The following MAN2A1 variants were observed in gnomAD, a reference collection of about 807,000 sequenced individuals.
MAN2A1 encodes the protein mannosidase alpha class 2A member 1.
In MAN2A1, 76 loss-of-function variants were observed where a neutral mutation model predicts 142.6. The ratio of observed to expected loss-of-function variants is 0.53; its 90% confidence interval spans 0.44 to 0.65. The LOEUF is 0.65. MAN2A1 is among the 30% of genes least tolerant of loss of function. The pLI is 0.00. For synonymous variants in MAN2A1, 559 were observed against 473.2 expected (o/e 1.18, Z -2.35); for missense variants, 1,311 against 1,365.1 (o/e 0.96, Z 0.62).
intron 3 of MAN2A1, among the ~76,000 whole-genome samples, chr5:109,720,653 C>T (rs754157001): frequency 3.3e-5 from 5 of 152,146 alleles, no homozygotes; most frequent in Admixed American, 6.5e-5. Flanking sequence ...ACATAAAATA[C>T]ACTAACAATA....
At chr5:109,793,416 C>T (rs931799905) in intron 12 of MAN2A1, among the ~76,000 whole-genome samples, 2 of 152,080 alleles carry the variant, frequency 1.3e-5, no homozygotes, top group Non-Finnish European at 2.9e-5. Context: ...AGAGTAATTA[C>T]AGATTCATTG....
At chr5:109,864,178 A>G (rs892412381) in intron 20 of MAN2A1, 1 of 152,238 alleles carries the variant, frequency 6.6e-6, no homozygotes, top group Admixed American at 6.5e-5. Flanking sequence ...TGAGCAGCAC[A>G]TGACTCTTTT....
intron 7 of MAN2A1, among the ~76,000 whole-genome samples, chr5:109,773,495 A>G (rs989799918): frequency 2.6e-5 from 4 of 152,000 alleles, no homozygotes; most frequent in Non-Finnish European, 4.4e-5. Flanking sequence ...TATGTGGTCA[A>G]TCTCATTCTT....
chr5:109,810,228 G>A (rs1328069674), intron 12 of MAN2A1, among the ~76,000 whole-genome samples: 1 of 151,812 alleles, frequency 6.6e-6, no homozygotes, highest in Non-Finnish European at 1.5e-5. Flanking sequence ...GTTTAGTCAC[G>A]TGGCTCTGTC....
At chr5:109,733,025 C>G (rs373015483) in intron 4 of MAN2A1, among the ~76,000 whole-genome samples, 1 of 152,062 alleles carries the variant, frequency 6.6e-6, no homozygotes, top group Non-Finnish European at 1.5e-5. Flanking sequence ...TGTTTGTATC[C>G]TCTTTTATTT....
intron 19 of MAN2A1, among the ~76,000 whole-genome samples, chr5:109,850,753 G>T (rs1349867688): frequency 6.6e-6 from 1 of 152,122 alleles, no homozygotes; most frequent in African/African-American, 2.4e-5. Flanking sequence ...GAAATAATTT[G>T]TTTATTCCCA....
At chr5:109,714,839 C>T (rs1751408007) in intron 2 of MAN2A1, among the ~76,000 whole-genome samples, 1 of 152,160 alleles carries the variant, frequency 6.6e-6, no homozygotes, top group Non-Finnish European at 1.5e-5. Context: ...GCACCTGCAA[C>T]CTCATCAGCT....
intron 5 of MAN2A1, among the ~76,000 whole-genome samples, chr5:109,766,128 T>G (rs577486591): frequency 6.6e-6 from 1 of 152,246 alleles, no homozygotes; most frequent in African/African-American, 2.4e-5. Flanking sequence ...TTTTTATATT[T>G]CCTCATGAAA....
intron 12 of MAN2A1, among the ~76,000 whole-genome samples, chr5:109,811,592 GTGTGTGTGTGTGTGTC>G (rs1273561713): frequency 6.6e-6 from 1 of 151,604 alleles, no homozygotes; most frequent in African/African-American, 2.4e-5. Context: ...GTGTGTGTGT[GTGTGTGTGTGTGTGTC>G]TGTGTCTGTG....
chr5:109,753,348 G>A (rs554142267), intron 4 of MAN2A1, among the ~76,000 whole-genome samples: 3 of 152,230 alleles, frequency 2.0e-5, no homozygotes, highest in South Asian at 4.1e-4. Context: ...AGGTGGGACC[G>A]GTAGCCTTGA....
At chr5:109,846,956 T>G (rs1337349307) in intron 18 of MAN2A1, among the ~76,000 whole-genome samples, 5 of 151,988 alleles carry the variant, frequency 3.3e-5, no homozygotes, top group African/African-American at 1.2e-4. Context: ...CGATGTGCAG[T>G]GGGGCAGCAT....
At chr5:109,846,483 T>C (rs1334950881) in intron 18 of MAN2A1, among the ~76,000 whole-genome samples, 1 of 152,052 alleles carries the variant, frequency 6.6e-6, no homozygotes, top group Non-Finnish European at 1.5e-5. Flanking sequence ...GATAAAGAGG[T>C]GTGGCTTTGA....
At chr5:109,827,465 A>G (rs1754787139) in intron 16 of MAN2A1, among the ~76,000 whole-genome samples, 1 of 152,228 alleles carries the variant, frequency 6.6e-6, no homozygotes. Flanking sequence ...AGAAAACAAA[A>G]TCAAGAACGA....
chr5:109,717,171 A>T (rs1038759976), intron 3 of MAN2A1, among the ~76,000 whole-genome samples: 2 of 152,134 alleles, frequency 1.3e-5, no homozygotes, highest in Non-Finnish European at 2.9e-5. Flanking sequence ...TGTCAGAAGC[A>T]CTGGTAACCT....
intron 20 of MAN2A1, among the ~76,000 whole-genome samples, chr5:109,861,325 A>G (rs1461087428): frequency 6.6e-6 from 1 of 152,174 alleles, no homozygotes; most frequent in Non-Finnish European, 1.5e-5. Flanking sequence ...GAACAACGGC[A>G]GTTGTCACTA....
intron 19 of MAN2A1, chr5:109,854,295 A>C (rs1432403235): frequency 3.9e-5 from 6 of 152,158 alleles, no homozygotes; most frequent in African/African-American, 1.4e-4. Flanking sequence ...CATTGATTTA[A>C]TTTTGCATGT....
Position 109,867,983 on chromosome 5 carries a change from T to C in MAN2A1, c.*985T>C, listed in dbSNP as rs1755926647. The C allele has an allele frequency of 6.6e-6, 1 of 152,204 alleles. No homozygotes were observed. The highest frequency in any genetic ancestry group is 1.5e-5 in the Non-Finnish European group (1 of 68,032). 9.4% of individuals were successfully genotyped at this position (152,204 alleles called of 1,614,324 possible). A position where few individuals can be genotyped will look rare whatever the true frequency, so the allele number is the denominator to read the frequency against. ...TGACAATGCTGGCCACATTCTGATC[T>C]GTTTCATTAAATTTGTGGTGATGTT... On this transcript the variant is annotated 3_prime_UTR_variant, in exon 22 of 22. Transcript: ENST00000261483.
chr5:109,837,106 T>G (rs993514041), intron 16 of MAN2A1, among the ~76,000 whole-genome samples: 1 of 148,654 alleles, frequency 6.7e-6, no homozygotes, highest in Admixed American at 6.8e-5. Flanking sequence ...TTGTTCCTAG[T>G]GCCAGTATGC....
chr5:109,812,730 T>G (rs1754351844), intron 12 of MAN2A1, among the ~76,000 whole-genome samples: 1 of 152,200 alleles, frequency 6.6e-6, no homozygotes, highest in South Asian at 2.1e-4. Context: ...ATATAATTTA[T>G]ATTTTCGAAG....
Sources: gnomAD v4.1 joint callset for allele counts (sites outside exome capture counted in the v4.1 genomes callset) on GRCh38, gnomAD v4.1.1 for gene constraint, MANE v1.5 for transcripts, NCBI Gene and HGNC (gene_info 2026-07-23, HGNC 2026-07-21) for gene names.